The following PCDHGB1 variants were observed in gnomAD, a reference collection of about 807,000 sequenced individuals.
PCDHGB1 encodes protocadherin gamma subfamily B, 1.
A neutral mutation model predicts 56.6 loss-of-function variants in PCDHGB1; 34 were observed. The ratio of observed to expected loss-of-function variants is 0.60; its 90% CI spans 0.46 to 0.80. The LOEUF is 0.80. PCDHGB1 is among the 30% of genes least tolerant of loss of function. The pLI is 0.00. For missense variants in PCDHGB1, 1,278 were observed against 1,204.6 expected (o/e 1.06, Z -0.90); for synonymous variants, 561 against 505.9 (o/e 1.11, Z -1.46).
At chr5:141,362,453 A>T in intron 1 of PCDHGB1, 1 of 1,614,024 alleles carries the variant, frequency 6.2e-7, no homozygotes, top group Non-Finnish European at 8.5e-7. Context: ...ATAACCCCGG[A>T]ATTGGTTCCC....
intron 1 of PCDHGB1, chr5:141,377,170 T>C (rs1773747669): frequency 1.3e-5 from 2 of 152,264 alleles, no homozygotes; most frequent in Non-Finnish European, 2.9e-5. Context: ...TTTACCTTTC[T>C]CTTCTTGGCA....
At chr5:141,364,958 C>A in intron 1 of PCDHGB1, 4 of 1,613,958 alleles carry the variant, frequency 2.5e-6, no homozygotes, top group Non-Finnish European at 1.7e-6. Flanking sequence ...TGTTCACGAC[C>A]TCCTCCTCAC....
intron 1 of PCDHGB1, among the ~76,000 whole-genome samples, chr5:141,358,475 A>T (rs1760927848): frequency 6.6e-6 from 1 of 152,214 alleles, no homozygotes; most frequent in Admixed American, 6.5e-5. Flanking sequence ...TTGTGAGTTT[A>T]ACTTTTAGAT....
At chr5:141,404,315 G>T (rs775576610) in intron 1 of PCDHGB1, 2 of 1,613,886 alleles carry the variant, frequency 1.2e-6, no homozygotes, top group African/African-American at 2.7e-5. Context: ...TTTCTCTCAA[G>T]CCTCCTACTC....
rs182346627 is a variant in PCDHGB1, at chr5:141,351,840, C to T, written c.1580C>T (p.Thr527Ile). ...GAGCAGCTGCGCGCCTTCGAGCTCA[C>T]ACTGCAGGCCAGGGACCAGGGCTCC... ...DHEQLRAFEL[T>I]LQARDQGSPA... The change falls in exon 1 of 4, where the codon ACA becomes ATA. Residue 527 changes from threonine to isoleucine, a missense_variant. Coordinates refer to ENST00000523390, the MANE Select transcript of PCDHGB1 (RefSeq NM_018922.3). The T allele has an allele frequency of 2.6e-4, 415 of 1,613,240 alleles. 3 individuals are homozygous for T. In the African/African-American group the frequency reaches 4.6e-3, roughly 18 times the overall value.
intron 1 of PCDHGB1, chr5:141,398,909 T>A: frequency 6.2e-7 from 1 of 1,613,984 alleles, no homozygotes; most frequent in Non-Finnish European, 8.5e-7. Context: ...GGCACCACTG[T>A]GTTGCAAGTG....
Position 141,490,731 on chromosome 5 carries a change from G to A in PCDHGB1, c.2410-4076G>A, listed in dbSNP as rs139283997. The A allele has an allele frequency of 6.8e-6, 11 of 1,614,080 alleles. No homozygotes were observed. In the African/African-American group the frequency reaches 1.1e-4, roughly 16 times the overall value. Reference sequence around the variant, plus strand: ...TCACCTACTCCATTGTAGGAAATCAGGTTCAGGGAGCCCCAGCCTCCTCCT... The same window carrying A: ...TCACCTACTCCATTGTAGGAAATCAAGTTCAGGGAGCCCCAGCCTCCTCCT... On this transcript the variant is annotated intron_variant, in intron 1 of 3. Transcript: ENST00000523390. The surrounding 1 kb of genome is among the most constrained non-coding windows in gnomAD (Gnocchi z 5.4).
chr5:141,399,387 CACAG>C, intron 1 of PCDHGB1: 4 of 1,614,028 alleles, frequency 2.5e-6, no homozygotes, highest in Non-Finnish European at 2.5e-6. Context: ...CCATCACAGC[CACAG>C]ACAGGGGCAA....
chr5:141,355,880 G>A, intron 1 of PCDHGB1: 1 of 1,613,290 alleles, frequency 6.2e-7, no homozygotes, highest in South Asian at 1.1e-5. Flanking sequence ...GGCACTGCCA[G>A]GATTCTCATA....
At chr5:141,355,857 C>G (rs567640077) in intron 1 of PCDHGB1, 4 of 1,612,456 alleles carry the variant, frequency 2.5e-6, no homozygotes, top group South Asian at 2.2e-5. Flanking sequence ...ATGGAGGTGA[C>G]CCGGTTCGCT....
intron 1 of PCDHGB1, chr5:141,385,214 A>C: frequency 6.2e-7 from 1 of 1,614,200 alleles, no homozygotes; most frequent in Non-Finnish European, 8.5e-7. Flanking sequence ...ATCTTCCCCC[A>C]GCCCAACTAT....
intron 1 of PCDHGB1, among the ~76,000 whole-genome samples, chr5:141,492,409 C>G (rs1367119266): frequency 6.6e-6 from 1 of 152,230 alleles, no homozygotes; most frequent in Non-Finnish European, 1.5e-5. Flanking sequence ...TCCCCTCTGC[C>G]GCTCCCTCCG....
At chr5:141,423,695 G>T in intron 1 of PCDHGB1, 1 of 1,338,020 alleles carries the variant, frequency 7.5e-7, no homozygotes, top group Non-Finnish European at 9.7e-7. Context: ...AATTGTTGGT[G>T]TCTTGGCACA....
At chr5:141,414,557 A>T (rs749209012) in intron 1 of PCDHGB1, 25 of 1,613,906 alleles carry the variant, frequency 1.5e-5, no homozygotes, top group Non-Finnish European at 2.0e-5. Flanking sequence ...CAAGTCTCCT[A>T]CTTTACCTAT....
chr5:141,356,286 G>C, intron 1 of PCDHGB1: 1 of 1,556,442 alleles, frequency 6.4e-7, no homozygotes, highest in Non-Finnish European at 8.7e-7. Context: ...CTTCTTCCCC[G>C]GGTACAGTAA....
chr5:141,410,174 G>A (rs1369332920), intron 1 of PCDHGB1: 4 of 1,613,588 alleles, frequency 2.5e-6, no homozygotes, highest in East Asian at 2.2e-5. Flanking sequence ...CTCTGCCACC[G>A]CCACGCTTCA....
At chr5:141,358,025 A>G (rs1760791349) in intron 1 of PCDHGB1, among the ~76,000 whole-genome samples, 1 of 152,146 alleles carries the variant, frequency 6.6e-6, no homozygotes, top group Non-Finnish European at 1.5e-5. Context: ...CCCAGTCTCT[A>G]CTAAAATACA....
At chr5:141,450,829 A>T (rs187691791) in intron 1 of PCDHGB1, among the ~76,000 whole-genome samples, 19,077 of 135,014 alleles carry the variant, frequency 0.14, 1,595 homozygotes, top group African/African-American at 0.24. Context: ...TATTATTATT[A>T]TTTTTTTTTT....
intron 1 of PCDHGB1, chr5:141,478,581 T>C: frequency 6.3e-7 from 1 of 1,580,158 alleles, no homozygotes; most frequent in Non-Finnish European, 8.6e-7. Flanking sequence ...ACCCTGTTAG[T>C]GCTTTTTTAT....
Sources: allele counts gnomAD v4.1 joint callset (sites outside exome capture counted in the v4.1 genomes callset), GRCh38; gene constraint gnomAD v4.1.1; non-coding constraint Gnocchi (gnomAD v3.1); transcripts MANE v1.5; gene names NCBI Gene and HGNC (gene_info 2026-07-23, HGNC 2026-07-21).